The following FGD4 variants were observed in gnomAD, a reference collection of about 807,000 sequenced individuals.
The protein encoded by FGD4 is FYVE, RhoGEF and PH domain-containing protein 4.
A neutral mutation model predicts 102.0 loss-of-function variants in FGD4; 42 were observed. That is an observed-to-expected ratio of 0.41 (90% confidence interval 0.32 to 0.53). The LOEUF is 0.53. Ranked by LOEUF, FGD4 falls within the 20% of genes least tolerant of loss-of-function variation. The pLI is 0.21. For missense variants in FGD4, 902 were observed against 1,078.2 expected, an observed-to-expected ratio of 0.84 and a Z score of 2.29; for synonymous variants, 380 against 375.7, an observed-to-expected ratio of 1.01 and a Z score of -0.13.
At chr12:32,596,194 G>A (rs1316650395) in intron 4 of FGD4, among the ~76,000 whole-genome samples, 1 of 152,246 alleles carries the variant, frequency 6.6e-6, no homozygotes, top group Non-Finnish European at 1.5e-5. Context: ...ATTTGCATAT[G>A]AAAGATAAAA....
intron 1 of FGD4, among the ~76,000 whole-genome samples, chr12:32,426,178 C>T (rs563860635): frequency 1.3e-5 from 2 of 152,246 alleles, no homozygotes; most frequent in South Asian, 4.1e-4. Context: ...TTTGCCCATT[C>T]AGTATAATAT....
chr12:32,580,779 C>T (rs1359126864), intron 3 of FGD4, among the ~76,000 whole-genome samples: 5 of 150,908 alleles, frequency 3.3e-5, no homozygotes, highest in Non-Finnish European at 5.9e-5. Context: ...CCCAGCTACT[C>T]GGGAGGCTGA....
intron 1 of FGD4, among the ~76,000 whole-genome samples, chr12:32,451,936 A>G (rs1465905576): frequency 1.3e-5 from 2 of 150,248 alleles, no homozygotes; most frequent in African/African-American, 4.9e-5. Context: ...TGCCCGAGCT[A>G]TGTTCCCGTG....
Position 32,461,655 on chromosome 12 carries a change from C to T in FGD4, c.166+61696C>T, listed in dbSNP as rs77842593. 9.9e-4 allele frequency among the ~76,000 whole-genome samples: 151 copies of T among 152,306 alleles called. 1 individual carries two copies. In the East Asian group the frequency reaches 0.019, roughly 19 times the overall value. On this transcript the variant is annotated intron_variant, in intron 1 of 16. Transcript: ENST00000534526. ...TACATTTTAAAAATATAAGTCTCTG[C>T]TGTGCTCTGTTCCCACAGTTTATGC...
chr12:32,453,733 T>C (rs1320473157), intron 1 of FGD4, among the ~76,000 whole-genome samples: 1 of 152,180 alleles, frequency 6.6e-6, no homozygotes, highest in African/African-American at 2.4e-5. Context: ...ATACTTTATT[T>C]TTTAGATTTT....
intron 1 of FGD4, among the ~76,000 whole-genome samples, chr12:32,527,864 A>G (rs1941415315): frequency 6.6e-6 from 1 of 152,204 alleles, no homozygotes; most frequent in Admixed American, 6.5e-5. Context: ...TTCCTAATTT[A>G]GATTAGTATA....
intron 5 of FGD4, among the ~76,000 whole-genome samples, chr12:32,600,092 C>T (rs1468086976): frequency 6.6e-6 from 1 of 152,144 alleles, no homozygotes; most frequent in African/African-American, 2.4e-5. Flanking sequence ...ATTTTAAGGC[C>T]TATGCTCTTT....
intron 14 of FGD4, among the ~76,000 whole-genome samples, chr12:32,628,586 G>T (rs750766814): frequency 5.3e-5 from 8 of 152,074 alleles, no homozygotes; most frequent in Admixed American, 2.0e-4. Context: ...ATCTCCTGAG[G>T]TCGGGAGTTC....
At chr12:32,467,743 T>G (rs1022485537) in intron 1 of FGD4, among the ~76,000 whole-genome samples, 1 of 152,138 alleles carries the variant, frequency 6.6e-6, no homozygotes, top group Non-Finnish European at 1.5e-5. Context: ...TGGCCGGGCT[T>G]GGTGGCTCAC....
At chr12:32,405,019 C>T (rs1360891247) in intron 1 of FGD4, among the ~76,000 whole-genome samples, 3 of 152,056 alleles carry the variant, frequency 2.0e-5, no homozygotes, top group East Asian at 1.9e-4. Context: ...CTTCAAGCTC[C>T]ACCTCCCGGG....
At chr12:32,402,070 T>G (rs1935719976) in intron 1 of FGD4, among the ~76,000 whole-genome samples, 1 of 150,336 alleles carries the variant, frequency 6.7e-6, no homozygotes, top group East Asian at 1.9e-4. Context: ...GCCCGGCTAA[T>G]TTTTTGTACT....
chr12:32,477,490 A>G (rs1943611546), intron 1 of FGD4: 1 of 152,398 alleles, frequency 6.6e-6, no homozygotes. Context: ...GAAATTTTAA[A>G]TGGTGTATTT....
At chr12:32,572,547 G>C (rs1221360683) in intron 2 of FGD4, among the ~76,000 whole-genome samples, 1 of 152,086 alleles carries the variant, frequency 6.6e-6, no homozygotes, top group East Asian at 1.9e-4. Flanking sequence ...GGAACTTTAG[G>C]GTTTTCCATT....
intron 11 of FGD4, among the ~76,000 whole-genome samples, chr12:32,622,319 C>G (rs970222772): frequency 2.0e-5 from 3 of 152,186 alleles, no homozygotes; most frequent in African/African-American, 7.2e-5. Context: ...TCTCAGGTTT[C>G]TTAGTTTGCC....
intron 1 of FGD4, among the ~76,000 whole-genome samples, chr12:32,547,092 C>T (rs1943284199): frequency 6.6e-6 from 1 of 152,150 alleles, no homozygotes; most frequent in Non-Finnish European, 1.5e-5. Context: ...GAATCAATAG[C>T]TAGAATCTGT....
chr12:32,446,450 C>T (rs565796819), intron 1 of FGD4, among the ~76,000 whole-genome samples: 1 of 152,192 alleles, frequency 6.6e-6, no homozygotes, highest in South Asian at 2.1e-4. Context: ...GCAGTACACA[C>T]GGTCGAGGGG....
intron 1 of FGD4, among the ~76,000 whole-genome samples, chr12:32,549,933 T>C (rs1943520300): frequency 6.6e-6 from 1 of 152,206 alleles, no homozygotes. Flanking sequence ...CCTCAGCACG[T>C]CTCCAGCGTT....
chr12:32,492,904 G>A (rs1028442866), intron 1 of FGD4, among the ~76,000 whole-genome samples: 6 of 152,184 alleles, frequency 3.9e-5, no homozygotes, highest in African/African-American at 1.4e-4. Context: ...GGTGCTGCCC[G>A]CACCTTGGAC....
intron 1 of FGD4, among the ~76,000 whole-genome samples, chr12:32,500,381 A>C (rs146097783): frequency 5.9e-3 from 884 of 149,188 alleles, no homozygotes; most frequent in Non-Finnish European, 9.0e-3. Context: ...TTCTGACCTT[A>C]TTTTATTTTA....
Sources: allele counts gnomAD v4.1 joint callset (sites outside exome capture counted in the v4.1 genomes callset), GRCh38; gene constraint gnomAD v4.1.1; transcripts MANE v1.5; gene names NCBI Gene and HGNC (gene_info 2026-07-23, HGNC 2026-07-21).